The following KAT2B variants were observed in gnomAD, a reference collection of about 807,000 sequenced individuals.
KAT2B encodes the protein histone acetyltransferase KAT2B.
In KAT2B, 36 loss-of-function variants were observed where a neutral mutation model predicts 105.9. The ratio of observed to expected loss-of-function variants is 0.34; its 90% CI spans 0.26 to 0.45. The LOEUF (loss-of-function observed/expected upper bound fraction) is 0.45, where lower values mean the gene tolerates loss of function less well. KAT2B is among the 20% of genes least tolerant of loss of function. KAT2B has a pLI of 1.00. For synonymous variants in KAT2B, 397 were observed against 377.9 expected, an observed-to-expected ratio of 1.05 and a Z score of -0.59; for missense variants, 820 against 1,021.6, an observed-to-expected ratio of 0.80 and a Z score of 2.69.
chr3:20,044,468 C>A (rs1300999293), intron 1 of KAT2B, among the ~76,000 whole-genome samples: 2 of 151,982 alleles, frequency 1.3e-5, no homozygotes, highest in African/African-American at 4.8e-5. Flanking sequence ...CCATGTTATA[C>A]CCACACTTCA....
chr3:20,058,861 C>G (rs56900166), intron 1 of KAT2B, among the ~76,000 whole-genome samples: 1 of 152,164 alleles, frequency 6.6e-6, no homozygotes, highest in African/African-American at 2.4e-5. Flanking sequence ...ATCTTTATCT[C>G]TTCAAATCTT....
chr3:20,077,448 G>T (rs1417898344), intron 2 of KAT2B, among the ~76,000 whole-genome samples: 2 of 152,166 alleles, frequency 1.3e-5, no homozygotes, highest in Non-Finnish European at 2.9e-5. Flanking sequence ...GAAATGGTTG[G>T]TCTAGACCTA....
At chr3:20,141,014 G>A (rs1393628693) in intron 13 of KAT2B, among the ~76,000 whole-genome samples, 1 of 152,020 alleles carries the variant, frequency 6.6e-6, no homozygotes, top group Non-Finnish European at 1.5e-5. Context: ...TACTCCAAGT[G>A]CATCTATTTA....
intron 7 of KAT2B, among the ~76,000 whole-genome samples, chr3:20,118,683 A>T (rs1028470775): frequency 2.8e-5 from 4 of 140,838 alleles, no homozygotes; most frequent in Admixed American, 2.3e-4. Context: ...CCAAGATTGC[A>T]CCACTGCACT....
chr3:20,055,992 A>G (rs1381010889), intron 1 of KAT2B, among the ~76,000 whole-genome samples: 1 of 152,202 alleles, frequency 6.6e-6, no homozygotes, highest in African/African-American at 2.4e-5. Flanking sequence ...GCTGAGGAGT[A>G]TTCTGCTGTA....
intron 1 of KAT2B, among the ~76,000 whole-genome samples, chr3:20,058,225 C>T (rs557092783): frequency 3.3e-5 from 5 of 151,866 alleles, no homozygotes; most frequent in Admixed American, 6.6e-5. Flanking sequence ...TGGGAGGCCA[C>T]GGCAGGCAGA....
intron 13 of KAT2B, among the ~76,000 whole-genome samples, chr3:20,143,451 A>G (rs1363999731): frequency 1.3e-5 from 2 of 152,218 alleles, no homozygotes; most frequent in Non-Finnish European, 2.9e-5. Flanking sequence ...AAATTAGTTC[A>G]GCCCCTGTGG....
chr3:20,127,466 G>A lies in KAT2B; in HGVS notation c.1666G>A (p.Gly556Ser), dbSNP rs1319795760. 6.2e-7 allele frequency: 1 copy of A among 1,613,038 alleles called. No homozygotes were observed. The highest frequency in any genetic ancestry group is 8.5e-7 in the Non-Finnish European group (1 of 1,178,992). ...TTTAATTAAAGATGGCCGTGTTATT[G>A]GTGGTATCTGTTTCCGTATGTTCCC... ...LALIKDGRVIGGICFRMFPSQ... is the reference protein window; with the variant it reads ...LALIKDGRVISGICFRMFPSQ... Residue 556 changes from glycine (G) to serine (S), a missense_variant, in exon 11 of 18, where the codon GGT (glycine) becomes AGT (serine). This residue lies in a region of KAT2B where 225 missense variants were observed against 268.1 expected (regional missense o/e 0.84). Coordinates refer to ENST00000263754, the MANE Select transcript of KAT2B (RefSeq NM_003884.5).
At chr3:20,068,810 C>T (rs1270490822) in intron 1 of KAT2B, among the ~76,000 whole-genome samples, 4 of 152,116 alleles carry the variant, frequency 2.6e-5, no homozygotes, top group Non-Finnish European at 5.9e-5. Flanking sequence ...CTAGGTTTGG[C>T]CTGCCATATT....
At chr3:20,081,099 A>G (rs1388357497) in intron 2 of KAT2B, among the ~76,000 whole-genome samples, 2 of 152,172 alleles carry the variant, frequency 1.3e-5, no homozygotes, top group Admixed American at 6.5e-5. Context: ...GACAGATTTC[A>G]TTGTAGTCAT....
chr3:20,067,067 C>A (rs1698235247), intron 1 of KAT2B, among the ~76,000 whole-genome samples: 1 of 152,140 alleles, frequency 6.6e-6, no homozygotes, highest in African/African-American at 2.4e-5. Context: ...CCCATGTTGT[C>A]TCCCTCTCTT....
intron 1 of KAT2B, among the ~76,000 whole-genome samples, chr3:20,062,393 T>C (rs1698151165): frequency 8.9e-6 from 1 of 111,892 alleles, no homozygotes; most frequent in African/African-American, 3.5e-5. Flanking sequence ...TATAACATAA[T>C]AAATTATATA....
At chr3:20,103,942 A>G (rs1173892732) in intron 5 of KAT2B, among the ~76,000 whole-genome samples, 2 of 152,124 alleles carry the variant, frequency 1.3e-5, no homozygotes, top group Non-Finnish European at 2.9e-5. Flanking sequence ...TTTTGTGAGT[A>G]TTCCATGGGT....
In KAT2B at chr3:20,136,960, A is replaced by G; in HGVS notation, c.1768A>G (p.Met590Val). ...CACACAGGGCTATGGAACACACCTG[A>G]TGAATCATTTGAAAGAATATCACAT... ...EQVKGYGTHL[M>V]NHLKEYHIKH... The change falls in exon 12 of 18, where the codon ATG becomes GTG. Residue 590 changes from methionine to valine, a missense_variant. Physicochemically the swap from Met to Val is conservative, Grantham distance 21. Transcript: ENST00000263754. The G allele has an allele frequency of 6.2e-7, 1 of 1,606,038 alleles. No individual in the cohort carries two copies. The highest frequency in any genetic ancestry group is 8.5e-7 in the Non-Finnish European group (1 of 1,172,838).
At chr3:20,072,580 A>C in intron 2 of KAT2B, 121 bp downstream of exon 2, 1 of 891,614 alleles carries the variant, frequency 1.1e-6, no homozygotes, top group Non-Finnish European at 1.8e-6. Context: ...GAGAGCAACA[A>C]CAAGAGCCTC....
intron 8 of KAT2B, 83 bp from the exon 9 acceptor site, chr3:20,122,585 G>T: frequency 1.8e-6 from 2 of 1,100,614 alleles, no homozygotes. Context: ...GCCCATCAAT[G>T]CTGTTAGAAA....
intron 3 of KAT2B, among the ~76,000 whole-genome samples, chr3:20,096,400 T>G (rs551857053): frequency 6.6e-6 from 1 of 151,918 alleles, no homozygotes; most frequent in Non-Finnish European, 1.5e-5. Context: ...GTGGTGGAAA[T>G]GGATAGCAAA....
In KAT2B at chr3:20,079,045, A is replaced by G. The variant is rs545190101; in HGVS notation, c.430+6586A>G. Among the ~76,000 whole-genome samples the G allele has an allele frequency of 1.5e-4, 22 of 147,646 alleles. No individual in the cohort carries two copies. The South Asian group carries it at 4.8e-3, about 32-fold the overall frequency. On this transcript the variant is annotated intron_variant, in intron 2 of 17. Transcript: ENST00000263754. ...ATTACAGGCTTATACCACCACACCCAGCTAATTTTTATAATTATTATTATT... is the reference window on the plus strand; with the variant it reads ...ATTACAGGCTTATACCACCACACCCGGCTAATTTTTATAATTATTATTATT...
chr3:20,142,853 C>A (rs1699716822), intron 13 of KAT2B, among the ~76,000 whole-genome samples: 1 of 151,976 alleles, frequency 6.6e-6, no homozygotes, highest in Non-Finnish European at 1.5e-5. Context: ...CGCGAATAGG[C>A]TATGAGCAAG....
Sources: allele counts gnomAD v4.1 joint callset (sites outside exome capture counted in the v4.1 genomes callset), GRCh38; gene constraint gnomAD v4.1.1; regional missense constraint gnomAD v4.1.1; transcripts MANE v1.5; gene names NCBI Gene and HGNC (gene_info 2026-07-23, HGNC 2026-07-21).